The following WASF3 variants were observed in gnomAD, a reference collection of about 807,000 sequenced individuals.
The protein encoded by WASF3 is WASP family member 3, also known as actin-binding protein WASF3.
In WASF3, 11 loss-of-function variants were observed where a neutral mutation model predicts 46.6. The ratio of observed to expected loss-of-function variants is 0.24; its 90% CI spans 0.15 to 0.39. WASF3 has a LOEUF of 0.39. Among genes scored for constraint, WASF3 ranks in the 10% least tolerant of loss-of-function variants. The probability of loss-of-function intolerance (pLI) is 1.00; values close to 1 mark genes in which losing one functional copy is unlikely to be tolerated. For synonymous variants in WASF3, 242 were observed against 259.7 expected, an observed-to-expected ratio of 0.93 and a Z score of 0.65; for missense variants, 576 against 669.8, an observed-to-expected ratio of 0.86 and a Z score of 1.55.
At chr13:26,596,612 G>C (rs1027029340) in intron 1 of WASF3, among the ~76,000 whole-genome samples, 14 of 152,214 alleles carry the variant, frequency 9.2e-5, no homozygotes, top group African/African-American at 3.4e-4. Flanking sequence ...GTGCCTAGGT[G>C]TGATTTTTCT....
chr13:26,560,124 T>G (rs1879251857), intron 1 of WASF3, among the ~76,000 whole-genome samples: 1 of 151,512 alleles, frequency 6.6e-6, no homozygotes, highest in Non-Finnish European at 1.5e-5. Flanking sequence ...CGGCCGAATC[T>G]CTCAACTTCT....
In WASF3 at chr13:26,685,731, C is replaced by T; in HGVS notation, c.1395C>T (p.Ala465=). The T allele has an allele frequency of 6.2e-7, 1 of 1,614,202 alleles. No individual in the cohort carries two copies. The highest frequency in any genetic ancestry group is 8.5e-7 in the Non-Finnish European group (1 of 1,180,030). Residue 465 remains alanine (A), a synonymous_variant, in exon 10 of 10, where the codon GCC becomes GCT. Coordinates refer to ENST00000335327, the MANE Select transcript of WASF3 (RefSeq NM_006646.6). ...KKVQEQREQE[A]KREPVGNDVA... Reference sequence around the variant, plus strand: ...TGCAGGAGCAGCGGGAGCAGGAGGCCAAGCGGGAGCCAGTGGGGAATGACG... The same window carrying T: ...TGCAGGAGCAGCGGGAGCAGGAGGCTAAGCGGGAGCCAGTGGGGAATGACG...
chr13:26,555,652 T>C (rs1879081754), upstream of WASF3, among the ~76,000 whole-genome samples: 1 of 152,208 alleles, frequency 6.6e-6, no homozygotes, highest in African/African-American at 2.4e-5. Flanking sequence ...GCAGGCATCC[T>C]GTGAGGATGA....
In WASF3 at chr13:26,609,207, C is replaced by T. The variant is rs1185140484; in HGVS notation, c.-108-3754C>T. Among the ~76,000 whole-genome samples, 5 of 152,116 alleles carry T rather than the reference C, an allele frequency of 3.3e-5. No individual in the cohort carries two copies. The East Asian group carries it at 5.8e-4, about 18-fold the overall frequency. On this transcript the variant is annotated intron_variant, in intron 1 of 9. Coordinates refer to ENST00000335327, the MANE Select transcript of WASF3 (RefSeq NM_006646.6). Reference sequence around the variant, plus strand: ...TTTATTTCATATTGATTTTGGATGTCGTGGATAAGTAAGATTAAAGGGCGT... The same window carrying T: ...TTTATTTCATATTGATTTTGGATGTTGTGGATAAGTAAGATTAAAGGGCGT...
the WASF3 span, among the ~76,000 whole-genome samples, chr13:26,549,092 C>T: frequency 6.6e-6 from 1 of 151,804 alleles, no homozygotes; most frequent in East Asian, 1.9e-4. Context: ...AGTAATTCTC[C>T]TGCCTCAGCC....
chr13:26,642,601 A>T (rs759122734), intron 3 of WASF3, among the ~76,000 whole-genome samples, 198 bp downstream of exon 3: 3 of 152,244 alleles, frequency 2.0e-5, no homozygotes, highest in Non-Finnish European at 4.4e-5. Context: ...TGAAGATGTG[A>T]TGCTCTTACC....
chr13:26,648,949 T>C (rs1421389031), intron 3 of WASF3, among the ~76,000 whole-genome samples: 12 of 152,196 alleles, frequency 7.9e-5, no homozygotes, highest in Admixed American at 7.8e-4. Context: ...AAGTAATTAT[T>C]AGTTAGGTTT....
At chr13:26,608,433 T>A (rs994083050) in intron 1 of WASF3, among the ~76,000 whole-genome samples, 8 of 152,218 alleles carry the variant, frequency 5.3e-5, no homozygotes, top group African/African-American at 1.9e-4. Flanking sequence ...TACACATAGG[T>A]GTTCAGTGAA....
At chr13:26,565,997 A>G (rs1038268232) in intron 1 of WASF3, among the ~76,000 whole-genome samples, 2 of 152,184 alleles carry the variant, frequency 1.3e-5, no homozygotes, top group African/African-American at 4.8e-5. Flanking sequence ...GGGATTAGGC[A>G]CCGAAGAGTT....
At chr13:26,578,274 AGAC>A (rs1879862677) in intron 1 of WASF3, among the ~76,000 whole-genome samples, 1 of 152,210 alleles carries the variant, frequency 6.6e-6, no homozygotes, top group Non-Finnish European at 1.5e-5. Flanking sequence ...GTTTTCTTGT[AGAC>A]GACTTACCAG....
At chr13:26,546,147 C>A in the WASF3 span, among the ~76,000 whole-genome samples, 4 of 152,126 alleles carry the variant, frequency 2.6e-5, 1 homozygote, top group South Asian at 8.3e-4. Context: ...AAAGACAAGG[C>A]AGGAAAACAC....
At chr13:26,544,368 T>C in the WASF3 span, among the ~76,000 whole-genome samples, 1 of 152,218 alleles carries the variant, frequency 6.6e-6, no homozygotes, top group African/African-American at 2.4e-5. Context: ...AAATCGGTTT[T>C]ATACCAAGAG....
intron 6 of WASF3, among the ~76,000 whole-genome samples, chr13:26,672,982 G>T (rs956748437): frequency 2.6e-5 from 4 of 152,158 alleles, no homozygotes; most frequent in African/African-American, 4.8e-5. Context: ...GGCTTTGGGA[G>T]ATTTAATTGG....
the WASF3 span, among the ~76,000 whole-genome samples, chr13:26,541,861 A>G: frequency 6.6e-6 from 1 of 152,152 alleles, no homozygotes; most frequent in Non-Finnish European, 1.5e-5. Context: ...GCCTCCAACC[A>G]GGAGAGGTCT....
At chr13:26,637,696 G>A (rs1881870655) in intron 2 of WASF3, among the ~76,000 whole-genome samples, 1 of 152,218 alleles carries the variant, frequency 6.6e-6, no homozygotes, top group African/African-American at 2.4e-5. Context: ...TATTGCCTTG[G>A]ACATGAAAGG....
chr13:26,656,907 A>G (rs1214872435), intron 3 of WASF3, among the ~76,000 whole-genome samples: 2 of 152,198 alleles, frequency 1.3e-5, no homozygotes, highest in African/African-American at 2.4e-5. Flanking sequence ...AATACAGTCC[A>G]AAACATGTTT....
At chr13:26,630,727 A>G (rs1593158637) in intron 2 of WASF3, among the ~76,000 whole-genome samples, 1 of 152,204 alleles carries the variant, frequency 6.6e-6, no homozygotes, top group East Asian at 1.9e-4. Flanking sequence ...TCCTTGAGGA[A>G]TCACCACACT....
intron 1 of WASF3, among the ~76,000 whole-genome samples, chr13:26,593,758 C>A (rs1181227171): frequency 6.6e-6 from 1 of 152,158 alleles, no homozygotes; most frequent in Non-Finnish European, 1.5e-5. Context: ...ATAAATAAAT[C>A]CTATAGACAC....
At chr13:26,565,047 A>C (rs1879419919) in intron 1 of WASF3, among the ~76,000 whole-genome samples, 1 of 151,844 alleles carries the variant, frequency 6.6e-6, no homozygotes, top group East Asian at 1.9e-4. Context: ...TTTGGTAGAC[A>C]CAGGGTCTCA....
Sources: allele counts gnomAD v4.1 joint callset (sites outside exome capture counted in the v4.1 genomes callset), GRCh38; gene constraint gnomAD v4.1.1; transcripts MANE v1.5; gene names NCBI Gene and HGNC (gene_info 2026-07-23, HGNC 2026-07-21).